The following LEPROT variants were observed in gnomAD, a reference collection of about 807,000 sequenced individuals.
LEPROT encodes the protein leptin receptor overlapping transcript.
A neutral mutation model predicts 15.4 loss-of-function variants in LEPROT; 3 were observed. That is an observed-to-expected ratio of 0.19 (90% CI 0.09 to 0.50). The LOEUF (loss-of-function observed/expected upper bound fraction) is 0.50. Among genes scored for constraint, LEPROT ranks in the 20% least tolerant of loss-of-function variants. The probability of loss-of-function intolerance (pLI) is 0.97; values close to 1 mark genes in which losing one functional copy is unlikely to be tolerated. For missense variants in LEPROT, 137 were observed against 162.2 expected (o/e 0.84, Z 0.84); for synonymous variants, 59 against 57.5 (o/e 1.03, Z -0.12).
At chr1:65,424,598 A>G (rs951620325) in intron 1 of LEPROT, among the ~76,000 whole-genome samples, 13 of 152,214 alleles carry the variant, frequency 8.5e-5, no homozygotes, top group Admixed American at 7.2e-4. Context: ...TTGGGCTACT[A>G]TAAGAAATAT....
At chr1:65,421,575 T>C (rs1570406688) in intron 1 of LEPROT, 1 of 1,169,868 alleles carries the variant, frequency 8.5e-7, no homozygotes, top group Non-Finnish European at 1.2e-6. Flanking sequence ...TAACATCTGC[T>C]ATAAACATGT....
Position 65,432,932 on chromosome 1 carries a change from A to G in LEPROT, c.*1013A>G. The G allele has an allele frequency of 2.1e-6, 2 of 970,796 alleles. No individual in the cohort carries two copies. Among genetic ancestry groups the G allele is most frequent in the East Asian group, 1.1e-4 (1 of 8,756 alleles). 60.1% of individuals were successfully genotyped at this position (970,796 alleles called of 1,614,324 possible). On this transcript the variant is annotated 3_prime_UTR_variant, in exon 4 of 4. Transcript: ENST00000371065. ...TATAAAAATATACAATAATTTGTCA[A>G]TATATAATCAAAATAAAAAACAAAA...
At position 65,425,305 on chromosome 1, in the gene LEPROT, C is replaced by G. The variant is rs745366338; in HGVS notation, c.19C>G (p.Leu7Val). Residue 7 changes from leucine (L) to valine (V), a missense_variant and splice_region_variant, in exon 2 of 4, where the codon CTC becomes GTC. Leu to Val is a conservative substitution (Grantham distance 32). Coordinates refer to ENST00000371065, the MANE Select transcript of LEPROT (RefSeq NM_017526.5). MAGVKALVALSFSGAIG... is the reference protein window; with the variant it reads MAGVKAVVALSFSGAIG... ...ACTTTTGGCTTTATTTTTCACAGCT[C>G]TCGTGGCATTATCCTTCAGTGGGGC... 1.5e-5 allele frequency: 24 copies of G among 1,612,444 alleles called. No homozygotes were observed. The Admixed American group carries it at 1.8e-4, about 12-fold the overall frequency.
In LEPROT at chr1:65,435,477, C is replaced by T. The variant is rs975149973; in HGVS notation, c.*3558C>T. The T allele has an allele frequency of 7.9e-5, 33 of 416,386 alleles. No homozygotes were observed. Among genetic ancestry groups the T allele is most frequent in the African/African-American group, 6.8e-4 (31 of 45,678 alleles). The allele number at this position is 416,386 out of a possible 1,614,324, so 25.8% of individuals were successfully genotyped here. On this transcript the variant is annotated 3_prime_UTR_variant, in exon 4 of 4. Transcript: ENST00000371065. ...CCGCCTCCCGGGTTCACGCCATTCTCCTGCCTCAGCCTCCCAAGGAGCTGG... is the reference window on the plus strand; with the variant it reads ...CCGCCTCCCGGGTTCACGCCATTCTTCTGCCTCAGCCTCCCAAGGAGCTGG...
intron 1 of LEPROT, among the ~76,000 whole-genome samples, chr1:65,422,770 AG>A (rs1646276624): frequency 6.6e-6 from 1 of 152,194 alleles, no homozygotes; most frequent in South Asian, 2.1e-4. Context: ...CTTAGTGGTG[AG>A]GGTTGAAGCT....
At chr1:65,423,693 A>G (rs1298586907) in intron 1 of LEPROT, among the ~76,000 whole-genome samples, 1 of 152,248 alleles carries the variant, frequency 6.6e-6, no homozygotes, top group Non-Finnish European at 1.5e-5. Context: ...TTTTTTAAAA[A>G]GCACTTTGGC....
chr1:65,428,901 C>T (rs755576507), intron 2 of LEPROT, among the ~76,000 whole-genome samples: 1 of 151,946 alleles, frequency 6.6e-6, no homozygotes, highest in Non-Finnish European at 1.5e-5. Context: ...TTGCATTACA[C>T]TATTAATTGT....
chr1:65,430,017 G>C lies in LEPROT; in HGVS notation c.248G>C (p.Gly83Ala). ...FTTGIVVSAF[G>A]FPVILARVAV... is the part of the protein sequence containing the mutation. The stretch of plus-strand genomic sequence containing the variant: ...ACTGGAATTGTTGTTTCTGCCTTTG[G>C]ATTTCCTGTTATTCTTGCTCGTGTG... Residue 83 changes from glycine (G) to alanine (A), a missense_variant, in exon 3 of 4, where the codon GGA becomes GCA. Coordinates refer to ENST00000371065, the MANE Select transcript of LEPROT (RefSeq NM_017526.5). 6.4e-7 allele frequency: 1 copy of C among 1,564,794 alleles called. No homozygotes were observed. The highest frequency in any genetic ancestry group is 8.7e-7 in the Non-Finnish European group (1 of 1,143,434).
At chr1:65,424,461 C>T (rs1300959478) in intron 1 of LEPROT, among the ~76,000 whole-genome samples, 1 of 152,182 alleles carries the variant, frequency 6.6e-6, no homozygotes, top group Admixed American at 6.5e-5. Flanking sequence ...GACCAACTGG[C>T]TGCCCTCTGG....
At position 65,433,232 on chromosome 1, in the gene LEPROT, C is replaced by G. The variant is rs373378880; in HGVS notation, c.*1313C>G. On this transcript the variant is annotated 3_prime_UTR_variant, in exon 4 of 4. Coordinates refer to ENST00000371065, the MANE Select transcript of LEPROT (RefSeq NM_017526.5). ...CTTCTCTACGGCTCTGGCTTCTTCC[C>G]GAAGAGATATAGGAGCCATGTAAGC... 4.3e-4 allele frequency: 419 copies of G among 985,346 alleles called. No homozygotes were observed. Among genetic ancestry groups the G allele is most frequent in the Admixed American group, 8.0e-4 (13 of 16,276 alleles). The allele number at this position is 985,346 out of a possible 1,614,324, so 61.0% of individuals were successfully genotyped here.
chr1:65,430,456 T>C (rs549751714), intron 3 of LEPROT, among the ~76,000 whole-genome samples: 1 of 152,338 alleles, frequency 6.6e-6, no homozygotes, highest in African/African-American at 2.4e-5. Flanking sequence ...AATAGGTATA[T>C]GTTGAGGGAC....
intron 1 of LEPROT, among the ~76,000 whole-genome samples, chr1:65,424,420 G>A (rs1646316718): frequency 6.6e-6 from 1 of 152,198 alleles, no homozygotes; most frequent in South Asian, 2.1e-4. Context: ...GCCTTGGGAG[G>A]TAGTGAGTTT....
At chr1:65,420,876 G>A (rs2101661970) in intron 1 of LEPROT, 136 bp downstream of exon 1, 2 of 1,122,438 alleles carry the variant, frequency 1.8e-6, no homozygotes, top group Non-Finnish European at 2.6e-6. Flanking sequence ...TTCGGGAGGC[G>A]ATCGACCGCT....
At position 65,433,405 on chromosome 1, in the gene LEPROT, C is replaced by T. The variant is rs1646515430; in HGVS notation, c.*1486C>T. ...GATCCTGTAATCACAGTTTTCCCTG[C>T]TCACCTTTTTGTCTAAGATCTATTG... On this transcript the variant is annotated 3_prime_UTR_variant, in exon 4 of 4. Transcript: ENST00000371065. 1.0e-6 allele frequency: 1 copy of T among 985,284 alleles called. No individual in the cohort carries two copies. The highest frequency in any genetic ancestry group is 1.2e-6 in the Non-Finnish European group (1 of 829,936). The allele number at this position is 985,284 out of a possible 1,614,324, so 61.0% of individuals were successfully genotyped here.
chr1:65,432,733 T>TAAAA lies in LEPROT; in HGVS notation c.*817_*818insAAAA. ...AGGAGGAATAAGTGTGATTTTTTTTTAAAGATCACTTGCACAGCATGCTAA... is the reference window on the plus strand; with the variant it reads ...AGGAGGAATAAGTGTGATTTTTTTTTAAAAAAAGATCACTTGCACAGCATGCTAA... On this transcript the variant is annotated 3_prime_UTR_variant, in exon 4 of 4. Transcript: ENST00000371065. 3.0e-6 allele frequency: 2 copies of TAAAA among 672,718 alleles called. No homozygotes were observed. The highest frequency in any genetic ancestry group is 3.7e-6 in the Non-Finnish European group (2 of 544,596). 41.7% of individuals were successfully genotyped at this position (672,718 alleles called of 1,614,324 possible).
In LEPROT at chr1:65,432,048, CT is replaced by C; in HGVS notation, c.*132del. 7.3e-7 allele frequency: 1 copy of C among 1,377,636 alleles called. No individual in the cohort carries two copies. The highest frequency in any genetic ancestry group is 2.7e-5 in the East Asian group (1 of 37,104). The allele number at this position is 1,377,636 out of a possible 1,614,324, so 85.3% of individuals were successfully genotyped here. A position where few individuals can be genotyped will look rare whatever the true frequency, so the allele number is the denominator to read the frequency against. Reference sequence around the variant, plus strand: ...TTAATACCTTTATATATCATGTTCACTTTAAGAAAGACTTCATAAGTAGGAG... The same window carrying C: ...TTAATACCTTTATATATCATGTTCACTTAAGAAAGACTTCATAAGTAGGAG... On this transcript the variant is annotated 3_prime_UTR_variant, in exon 4 of 4. Coordinates refer to ENST00000371065, the MANE Select transcript of LEPROT (RefSeq NM_017526.5).
intron 2 of LEPROT, among the ~76,000 whole-genome samples, chr1:65,427,295 C>T (rs993526961): frequency 3.3e-5 from 5 of 151,980 alleles, no homozygotes; most frequent in South Asian, 2.1e-4. Flanking sequence ...TGACAGAGCC[C>T]GGCCGTGGTG....
intron 1 of LEPROT, 76 bp from the exon 2 acceptor site, chr1:65,425,227 C>G: frequency 7.9e-7 from 1 of 1,260,824 alleles, no homozygotes; most frequent in Non-Finnish European, 1.1e-6. Flanking sequence ...AGAAGTCACT[C>G]CCCATTTCCC....
In LEPROT at chr1:65,433,000, G is replaced by A. The variant is rs1018987634; in HGVS notation, c.*1081G>A. On this transcript the variant is annotated 3_prime_UTR_variant, in exon 4 of 4. Coordinates refer to ENST00000371065, the MANE Select transcript of LEPROT (RefSeq NM_017526.5). ...AAAAACATCTCAGTGGGGAACAGAT[G>A]TATCTTTTCATCTGAAAGACAATGC... 74 of 985,288 alleles carry A rather than the reference G, an allele frequency of 7.5e-5. No individual in the cohort carries two copies. Among genetic ancestry groups the A allele is most frequent in the Non-Finnish European group, 8.3e-5 (69 of 829,920 alleles). 61.0% of individuals were successfully genotyped at this position (985,288 alleles called of 1,614,324 possible).
Sources: allele counts gnomAD v4.1 joint callset (sites outside exome capture counted in the v4.1 genomes callset), GRCh38; gene constraint gnomAD v4.1.1; transcripts MANE v1.5; gene names NCBI Gene and HGNC (gene_info 2026-07-23, HGNC 2026-07-21).